CNIH4: variants seen among roughly 807,000 people sequenced by gnomAD.
CNIH4 encodes cornichon family member 4.
A neutral mutation model predicts 21.5 loss-of-function variants in CNIH4; 9 were observed. The ratio of observed to expected loss-of-function variants is 0.42; its 90% CI spans 0.25 to 0.73. The LOEUF (loss-of-function observed/expected upper bound fraction) is 0.73, where lower values mean the gene tolerates loss of function less well. CNIH4 is among the 30% of genes least tolerant of loss of function. The pLI is 0.27. For synonymous variants in CNIH4, 67 were observed against 59.1 expected, an observed-to-expected ratio of 1.13 and a Z score of -0.61; for missense variants, 159 against 170.0, an observed-to-expected ratio of 0.94 and a Z score of 0.36.
chr1:224,359,243 A>G (rs1558394033), intron 1 of CNIH4, among the ~76,000 whole-genome samples: 1 of 152,182 alleles, frequency 6.6e-6, no homozygotes, highest in Non-Finnish European at 1.5e-5. Flanking sequence ...GCCATTGAAA[A>G]TTTTTATTTT....
intron 2 of CNIH4, chr1:224,364,002 A>C (rs1672376171): frequency 1.0e-6 from 1 of 965,820 alleles, no homozygotes; most frequent in Admixed American, 6.2e-5. Context: ...AAATTCGGGG[A>C]AGGGCATATC....
intron 2 of CNIH4, chr1:224,364,281 A>T: frequency 1.0e-6 from 1 of 985,420 alleles, no homozygotes. Flanking sequence ...TGTCTGTGTA[A>T]TACAAAGATG....
rs756893076 is a variant in CNIH4, at chr1:224,356,885, G to A, written c.-40G>A. On this transcript the variant is annotated 5_prime_UTR_variant, in exon 1 of 5. Coordinates refer to ENST00000465271, the MANE Select transcript of CNIH4 (RefSeq NM_014184.4). The stretch of plus-strand genomic sequence containing the variant: ...ATCAGGGGTGGGTCGGGGCATCCGA[G>A]CGGGTTTGACGGAAGGAGCGGCGGC... The A allele has an allele frequency of 3.1e-5, 49 of 1,562,156 alleles. No individual in the cohort carries two copies. Among genetic ancestry groups the A allele is most frequent in the African/African-American group, 2.3e-4 (17 of 74,010 alleles).
At chr1:224,368,273 A>C (rs1303802085) in intron 3 of CNIH4, among the ~76,000 whole-genome samples, 1 of 152,224 alleles carries the variant, frequency 6.6e-6, no homozygotes, top group African/African-American at 2.4e-5. Flanking sequence ...CGGAGGTTGC[A>C]GTGAGCCGAG....
chr1:224,370,992 T>C (rs1456176896), intron 3 of CNIH4, among the ~76,000 whole-genome samples: 2 of 151,582 alleles, frequency 1.3e-5, no homozygotes, highest in East Asian at 1.9e-4. Context: ...TTATCCTGCC[T>C]CAGCTTCTCG....
At chr1:224,364,169 C>G in intron 2 of CNIH4, 5 of 982,922 alleles carry the variant, frequency 5.1e-6, no homozygotes, top group Non-Finnish European at 6.0e-6. Context: ...GGGAGAATCA[C>G]TTGAGCCCAG....
At chr1:224,361,577 T>G (rs1443733876) in intron 2 of CNIH4, among the ~76,000 whole-genome samples, 6 of 151,996 alleles carry the variant, frequency 3.9e-5, no homozygotes, top group Admixed American at 3.3e-4. Flanking sequence ...TTTAAAAATT[T>G]TCATAAATTT....
Position 224,379,229 on chromosome 1 carries a change from GAAGTT to G in CNIH4, c.*3411_*3415del. ...TAGGACAAAACCTGACCTGGTCTTT[GAAGTT>G]AAGAGCTAAGAAAGCTTCCTATAGT... On this transcript the variant is annotated 3_prime_UTR_variant, in exon 5 of 5. Coordinates refer to ENST00000465271, the MANE Select transcript of CNIH4 (RefSeq NM_014184.4). The G allele has an allele frequency of 1.2e-6, 1 of 831,646 alleles. No homozygotes were observed. Among genetic ancestry groups the G allele is most frequent in the East Asian group, 2.7e-5 (1 of 37,350 alleles). The allele number at this position is 831,646 out of a possible 1,614,324, so 51.5% of individuals were successfully genotyped here.
intron 3 of CNIH4, among the ~76,000 whole-genome samples, chr1:224,368,244 A>G (rs1423414752): frequency 6.6e-6 from 1 of 152,194 alleles, no homozygotes; most frequent in Non-Finnish European, 1.5e-5. Flanking sequence ...AGGCAGGAGA[A>G]TCACTTGAAT....
chr1:224,358,456 T>G (rs1194985656), intron 1 of CNIH4, among the ~76,000 whole-genome samples: 1 of 152,216 alleles, frequency 6.6e-6, no homozygotes, highest in Non-Finnish European at 1.5e-5. Context: ...CCTCTTGTGA[T>G]ATAAGGAACT....
At chr1:224,375,286 G>A (rs1472424001) in intron 4 of CNIH4, among the ~76,000 whole-genome samples, 1 of 152,196 alleles carries the variant, frequency 6.6e-6, no homozygotes, top group African/African-American at 2.4e-5. Context: ...AAGAAGAGCT[G>A]TGGAAGGAGG....
intron 2 of CNIH4, among the ~76,000 whole-genome samples, chr1:224,363,660 A>G (rs1672365353): frequency 6.6e-6 from 1 of 152,050 alleles, no homozygotes; most frequent in African/African-American, 2.4e-5. Context: ...TCTGCTTCCA[A>G]TATTATATCT....
At chr1:224,360,370 T>C (rs1672244440) in intron 1 of CNIH4, 125 bp from the exon 2 acceptor site, 2 of 496,858 alleles carry the variant, frequency 4.0e-6, no homozygotes, top group Non-Finnish European at 7.1e-6. Flanking sequence ...ATGAGCAAAC[T>C]TTAGGAAACA....
At chr1:224,373,138 A>G (rs1672680361) in intron 4 of CNIH4, among the ~76,000 whole-genome samples, 1 of 152,226 alleles carries the variant, frequency 6.6e-6, no homozygotes, top group Non-Finnish European at 1.5e-5. Flanking sequence ...CCTCATTACT[A>G]ATATGCTTAG....
intron 4 of CNIH4, among the ~76,000 whole-genome samples, chr1:224,373,547 T>C (rs564126027): frequency 6.6e-6 from 1 of 151,702 alleles, no homozygotes; most frequent in East Asian, 1.9e-4. Context: ...TGGTGGGGAG[T>C]GGCTGGGCTC....
intron 4 of CNIH4, among the ~76,000 whole-genome samples, chr1:224,372,672 T>A (rs1426356695): frequency 6.6e-6 from 1 of 151,694 alleles, no homozygotes; most frequent in Non-Finnish European, 1.5e-5. Context: ...AACCTCCACC[T>A]CCCAGGTTCA....
In CNIH4 at chr1:224,378,216, C is replaced by G. The variant is rs1022489077; in HGVS notation, c.*2394C>G. On this transcript the variant is annotated 3_prime_UTR_variant, in exon 5 of 5. Coordinates refer to ENST00000465271, the MANE Select transcript of CNIH4 (RefSeq NM_014184.4). ...AGTAGGTGCACACCACCATGCCCAG[C>G]GAATTTTTTGTAGAGACAGAGGTCT... 1 of 152,118 alleles carries G rather than the reference C, an allele frequency of 6.6e-6. No individual in the cohort carries two copies. Among genetic ancestry groups the G allele is most frequent in the Non-Finnish European group, 1.5e-5 (1 of 68,098 alleles). The allele number at this position is 152,118 out of a possible 1,614,324, so 9.4% of individuals were successfully genotyped here. A position where few individuals can be genotyped will look rare whatever the true frequency, so the allele number is the denominator to read the frequency against.
chr1:224,375,104 G>C (rs777378033), intron 4 of CNIH4, among the ~76,000 whole-genome samples: 2 of 152,182 alleles, frequency 1.3e-5, no homozygotes, highest in Non-Finnish European at 2.9e-5. Context: ...GTACAACATT[G>C]CAAGTGACAC....
intron 2 of CNIH4, among the ~76,000 whole-genome samples, chr1:224,363,555 G>A (rs138550001): frequency 7.2e-4 from 110 of 152,192 alleles, no homozygotes; most frequent in African/African-American, 2.3e-3. Context: ...GAATTTCTAG[G>A]CTCAAGCAAT....
Sources: allele counts gnomAD v4.1 joint callset (sites outside exome capture counted in the v4.1 genomes callset), GRCh38; gene constraint gnomAD v4.1.1; transcripts MANE v1.5; gene names NCBI Gene and HGNC (gene_info 2026-07-23, HGNC 2026-07-21).